Variants in SYT1 observed in about 807,000 individuals in gnomAD.
SYT1 encodes the protein synaptotagmin 1, also known as synaptotagmin-1.
A neutral mutation model predicts 44.8 loss-of-function variants in SYT1; 8 were observed. The observed-to-expected ratio is 0.18, with a 90% CI of 0.10 to 0.32. SYT1 has a LOEUF of 0.32. Among genes scored for constraint, SYT1 ranks in the 10% least tolerant of loss-of-function variants. The probability of loss-of-function intolerance (pLI) is 1.00; values close to 1 mark genes in which losing one functional copy is unlikely to be tolerated. For synonymous variants in SYT1, 154 were observed against 188.8 expected (o/e 0.82, Z 1.51); for missense variants, 286 against 509.3 (o/e 0.56, Z 4.22).
chr12:79,349,035 AAG>A (rs1882756785), intron 8 of SYT1, among the ~76,000 whole-genome samples: 1 of 113,226 alleles, frequency 8.8e-6, no homozygotes, highest in Non-Finnish European at 1.9e-5. Context: ...AAGAAAGAAA[AAG>A]AAAGAAAGAA....
chr12:79,215,977 G>C lies in SYT1; in HGVS notation c.-17-1526G>C, dbSNP rs535676465. 2.7e-3 allele frequency among the ~76,000 whole-genome samples: 379 copies of C among 138,360 alleles called. 3 individuals carry two copies. The highest frequency in any genetic ancestry group is 9.8e-3 in the African/African-American group (356 of 36,242). The allele number at this position is 138,360 out of a possible 152,430, so 90.8% of individuals were successfully genotyped here. A position where few individuals can be genotyped will look rare whatever the true frequency, so the allele number is the denominator to read the frequency against. On this transcript the variant is annotated intron_variant, in intron 3 of 10. Transcript: ENST00000261205. ...ACAGAGTTTCGCTCTTGTAGCCCAGGCTGGAGTGCAGTAGCACAATCTTGG... is the reference window on the plus strand; with the variant it reads ...ACAGAGTTTCGCTCTTGTAGCCCAGCCTGGAGTGCAGTAGCACAATCTTGG...
intron 3 of SYT1, among the ~76,000 whole-genome samples, chr12:79,092,448 C>G (rs1877842837): frequency 6.6e-6 from 1 of 151,492 alleles, no homozygotes; most frequent in African/African-American, 2.4e-5. Context: ...AAAAAAATTT[C>G]AATTCTGCAC....
chr12:79,440,132 C>T (rs1295759899), intron 9 of SYT1, among the ~76,000 whole-genome samples: 2 of 152,194 alleles, frequency 1.3e-5, no homozygotes, highest in South Asian at 2.1e-4. Context: ...GAGGGAGAAT[C>T]GCTTGAACCT....
At chr12:79,366,057 T>G (rs1883530326) in intron 9 of SYT1, among the ~76,000 whole-genome samples, 1 of 152,178 alleles carries the variant, frequency 6.6e-6, no homozygotes, top group African/African-American at 2.4e-5. Flanking sequence ...ATAAAAACAA[T>G]TAAGCATCTG....
At chr12:79,156,415 T>C (rs1870593842) in intron 3 of SYT1, among the ~76,000 whole-genome samples, 1 of 152,058 alleles carries the variant, frequency 6.6e-6, no homozygotes. Context: ...CTGTAGGCTG[T>C]TCAGTTAATT....
chr12:78,938,005 T>A (rs970739672), intron 1 of SYT1, among the ~76,000 whole-genome samples: 5 of 152,168 alleles, frequency 3.3e-5, no homozygotes, highest in African/African-American at 9.7e-5. Context: ...TACAAAGGCA[T>A]GTGAAGGTGA....
chr12:78,921,147 C>G (rs956512485), intron 1 of SYT1, among the ~76,000 whole-genome samples: 2 of 151,882 alleles, frequency 1.3e-5, no homozygotes, highest in African/African-American at 4.8e-5. Context: ...TATAAGTTCT[C>G]TATCTCATGT....
intron 1 of SYT1, among the ~76,000 whole-genome samples, chr12:78,931,304 AAGGAGAGGGAGGGAGGGAGG>A (rs1338698695): frequency 4.8e-5 from 3 of 63,036 alleles, no homozygotes; most frequent in Non-Finnish European, 6.4e-5. Flanking sequence ...GGAAGGAAGG[AAGGAGAGGGAGGGAGGGAGG>A]GAGGGAGGGA....
chr12:79,435,639 C>T (rs570154702), intron 9 of SYT1, among the ~76,000 whole-genome samples: 5 of 152,210 alleles, frequency 3.3e-5, no homozygotes, highest in African/African-American at 9.6e-5. Context: ...GCCAGTGATG[C>T]TTCACCACCC....
chr12:79,403,025 G>A (rs1885124373), intron 9 of SYT1, among the ~76,000 whole-genome samples: 1 of 152,172 alleles, frequency 6.6e-6, no homozygotes, highest in African/African-American at 2.4e-5. Flanking sequence ...AGGAAAGATA[G>A]CCCCATATAC....
chr12:79,092,111 A>G (rs1392261136), intron 3 of SYT1, among the ~76,000 whole-genome samples: 3 of 151,938 alleles, frequency 2.0e-5, no homozygotes, highest in African/African-American at 7.2e-5. Flanking sequence ...CCAAAAATAT[A>G]TTCAGGTTCC....
chr12:79,181,436 T>C (rs547893972), intron 3 of SYT1, among the ~76,000 whole-genome samples: 1 of 152,194 alleles, frequency 6.6e-6, no homozygotes, highest in South Asian at 2.1e-4. Flanking sequence ...GCATATCACA[T>C]TGTTTCTTAG....
intron 1 of SYT1, among the ~76,000 whole-genome samples, chr12:78,924,038 A>G (rs1361706886): frequency 6.6e-6 from 1 of 151,944 alleles, no homozygotes; most frequent in African/African-American, 2.4e-5. Context: ...GACATTTTCT[A>G]AATAATATAA....
At chr12:79,314,778 G>A (rs1389792026) in intron 8 of SYT1, among the ~76,000 whole-genome samples, 2 of 152,132 alleles carry the variant, frequency 1.3e-5, no homozygotes, top group Admixed American at 1.3e-4. Context: ...AACAGTAGTA[G>A]CATTTTTCAT....
chr12:78,881,799 G>C (rs1274737234), intron 1 of SYT1, among the ~76,000 whole-genome samples: 1 of 151,454 alleles, frequency 6.6e-6, no homozygotes, highest in Non-Finnish European at 1.5e-5. Flanking sequence ...AAGAAGAAGA[G>C]TACCAGCTCT....
chr12:78,886,303 C>A (rs1874746078), intron 1 of SYT1, among the ~76,000 whole-genome samples: 1 of 151,956 alleles, frequency 6.6e-6, no homozygotes, highest in Admixed American at 6.6e-5. Context: ...AAGCTATCCT[C>A]CTCAAAATTC....
intron 4 of SYT1, among the ~76,000 whole-genome samples, chr12:79,244,772 T>G (rs1876722498): frequency 6.6e-6 from 1 of 152,094 alleles, no homozygotes; most frequent in African/African-American, 2.4e-5. Flanking sequence ...CCGCTAAGTT[T>G]CCACACATCT....
chr12:79,123,309 A>G (rs7971958), intron 3 of SYT1, among the ~76,000 whole-genome samples: 14,022 of 141,582 alleles, frequency 0.099, 755 homozygotes, highest in Middle Eastern at 0.12. Flanking sequence ...TAAAAATGCA[A>G]TGTGTGTGTG....
intron 2 of SYT1, among the ~76,000 whole-genome samples, chr12:79,046,982 T>G (rs1874115612): frequency 6.6e-6 from 1 of 151,948 alleles, no homozygotes; most frequent in African/African-American, 2.4e-5. Flanking sequence ...AAATGTAATA[T>G]TCTCTAATGT....
Sources: gnomAD v4.1 joint callset for allele counts (sites outside exome capture counted in the v4.1 genomes callset) on GRCh38, gnomAD v4.1.1 for gene constraint, MANE v1.5 for transcripts, NCBI Gene and HGNC (gene_info 2026-07-23, HGNC 2026-07-21) for gene names.